Variants in INTS14 observed in about 807,000 individuals in gnomAD.
INTS14 encodes UPF0464 protein C15orf44.
In INTS14, 27 loss-of-function variants were observed where a neutral mutation model predicts 56.9. The observed-to-expected ratio is 0.47, with a 90% CI of 0.35 to 0.65. The LOEUF is 0.65. Ranked by LOEUF, INTS14 falls within the 30% of genes least tolerant of loss-of-function variation. The pLI is 0.00. For missense variants in INTS14, 517 were observed against 632.2 expected, an observed-to-expected ratio of 0.82 and a Z score of 1.95; for synonymous variants, 207 against 236.2, an observed-to-expected ratio of 0.88 and a Z score of 1.13.
chr15:65,599,019 G>A lies in INTS14; in HGVS notation c.487-29C>T, dbSNP rs779741162. On this transcript the variant is annotated intron_variant, in intron 4 of 11. Transcript: ENST00000313182. ...TAAAGCAAAACAGATGACCCTTAAAGTGGCTGGCACAAAATGCCAGATTAT... is the reference window on the plus strand; with the variant it reads ...TAAAGCAAAACAGATGACCCTTAAAATGGCTGGCACAAAATGCCAGATTAT... The A allele has an allele frequency of 1.9e-6, 3 of 1,553,904 alleles. No homozygotes were observed. The Admixed American group carries it at 5.3e-5, about 28-fold the overall frequency.
chr15:65,611,071 T>C, intron 1 of INTS14, 27 bp downstream of exon 1: 1 of 1,535,606 alleles, frequency 6.5e-7, no homozygotes, highest in Non-Finnish European at 8.7e-7. Flanking sequence ...CGAAAGGCAG[T>C]CCCGGGCCCT....
At chr15:65,586,058 C>G (rs752300825) in intron 9 of INTS14, among the ~76,000 whole-genome samples, 7 of 150,332 alleles carry the variant, frequency 4.7e-5, no homozygotes, top group Non-Finnish European at 8.9e-5. Context: ...GCCTAGAATG[C>G]TCTCCCTTCT....
intron 8 of INTS14, among the ~76,000 whole-genome samples, chr15:65,592,456 T>C (rs1185750059): frequency 6.6e-6 from 1 of 152,078 alleles, no homozygotes; most frequent in East Asian, 1.9e-4. Flanking sequence ...CTTCAGAAAA[T>C]GTAAAAGCTA....
chr15:65,603,654 C>T (rs2073528154), intron 3 of INTS14, among the ~76,000 whole-genome samples: 1 of 151,714 alleles, frequency 6.6e-6, no homozygotes, highest in Non-Finnish European at 1.5e-5. Context: ...ACTAGTGATG[C>T]TACTGACATT....
chr15:65,592,628 A>T (rs2073068866), intron 8 of INTS14, among the ~76,000 whole-genome samples: 1 of 152,198 alleles, frequency 6.6e-6, no homozygotes, highest in South Asian at 2.1e-4. Flanking sequence ...ATAGATAGGG[A>T]TAATGCTGAT....
rs777445601 is a variant in INTS14, at chr15:65,598,301, A to C, written c.748+20T>G. 1.2e-6 allele frequency: 2 copies of C among 1,602,582 alleles called. No individual in the cohort carries two copies. The highest frequency in any genetic ancestry group is 2.2e-5 in the South Asian group (2 of 90,234). On this transcript the variant is annotated intron_variant, in intron 6 of 11. Transcript: ENST00000313182. ...AAGGATAACAGAGAAACTAAGAAAT[A>C]AGTTTTTTTAAAAAGTTACCTGTGT...
At chr15:65,591,836 T>C (rs2073045038) in intron 8 of INTS14, 105 bp from the exon 9 acceptor site, 1 of 1,325,756 alleles carries the variant, frequency 7.5e-7, no homozygotes, top group Non-Finnish European at 1.0e-6. Context: ...GGCTTCAGCT[T>C]TGAAATCAGG....
intron 1 of INTS14, among the ~76,000 whole-genome samples, chr15:65,609,562 TAAC>T (rs758986644): frequency 6.6e-6 from 1 of 152,152 alleles, no homozygotes; most frequent in Admixed American, 6.5e-5. Context: ...AACAATTTGA[TAAC>T]AACTGATGAA....
At chr15:65,594,250 T>C (rs977610379) in intron 7 of INTS14, among the ~76,000 whole-genome samples, 2 of 152,154 alleles carry the variant, frequency 1.3e-5, no homozygotes, top group Non-Finnish European at 2.9e-5. Context: ...CTTCCTACAA[T>C]TAACTTCCCT....
intron 7 of INTS14, 73 bp downstream of exon 7, chr15:65,595,660 C>A (rs895650203): frequency 1.6e-6 from 2 of 1,237,258 alleles, no homozygotes; most frequent in African/African-American, 1.6e-5. Flanking sequence ...AATGGGCTAT[C>A]CTACTATCTA....
At chr15:65,602,413 T>A (rs1210255032) in intron 3 of INTS14, among the ~76,000 whole-genome samples, 3 of 151,050 alleles carry the variant, frequency 2.0e-5, no homozygotes, top group African/African-American at 7.3e-5. Context: ...GCCTCCCAGG[T>A]AGCTAGGATT....
chr15:65,610,744 T>C, intron 1 of INTS14: 1 of 1,535,666 alleles, frequency 6.5e-7, no homozygotes, highest in Non-Finnish European at 8.7e-7. Flanking sequence ...CAGATATAAT[T>C]TCATCTCTAA....
At chr15:65,605,928 A>AT (rs1164763416) in intron 2 of INTS14, among the ~76,000 whole-genome samples, 1 of 152,156 alleles carries the variant, frequency 6.6e-6, no homozygotes, top group Non-Finnish European at 1.5e-5. Context: ...TAAGTCACTA[A>AT]TTTTTTTAAA....
intron 7 of INTS14, among the ~76,000 whole-genome samples, chr15:65,593,940 A>G (rs2073121392): frequency 6.6e-6 from 1 of 152,196 alleles, no homozygotes; most frequent in Admixed American, 6.5e-5. Context: ...ATGGTTGCAC[A>G]ACTCTGCAAA....
intron 5 of INTS14, 146 bp from the exon 6 acceptor site, chr15:65,598,609 T>TA: frequency 1.1e-6 from 1 of 948,354 alleles, no homozygotes; most frequent in Non-Finnish European, 1.5e-6. Flanking sequence ...TCTGACATTT[T>TA]TGGTGAGGAA....
chr15:65,589,212 C>A (rs1040554936), intron 9 of INTS14, among the ~76,000 whole-genome samples: 1 of 152,222 alleles, frequency 6.6e-6, no homozygotes. Context: ...GGTTGGAGTG[C>A]AGCGATGCAA....
intron 7 of INTS14, 32 bp downstream of exon 7, chr15:65,595,701 G>A (rs772727774): frequency 1.7e-5 from 25 of 1,511,670 alleles, no homozygotes; most frequent in African/African-American, 2.8e-5. Flanking sequence ...TTAATAAGAC[G>A]CTTCAGACGT....
intron 1 of INTS14, among the ~76,000 whole-genome samples, chr15:65,609,917 C>G (rs2073820389): frequency 6.6e-6 from 1 of 152,136 alleles, no homozygotes; most frequent in Non-Finnish European, 1.5e-5. Context: ...ACCTCTGGAG[C>G]TGGCTCTTTC....
In INTS14 at chr15:65,610,646, C is replaced by T. The variant is rs1017498857; in HGVS notation, c.-63+452G>A. ...AAAGAACTGATTCTCAGCAGTCTCG[C>T]TCTCAAAGCAGGATTCTACCTGAAT... On this transcript the variant is annotated intron_variant, in intron 1 of 11. Transcript: ENST00000313182. The T allele has an allele frequency of 2.0e-5, 31 of 1,527,998 alleles. No individual in the cohort carries two copies. In the East Asian group the frequency reaches 7.3e-4, roughly 36 times the overall value. The allele number at this position is 1,527,998 out of a possible 1,614,324, so 94.7% of individuals were successfully genotyped here.
Sources: allele counts gnomAD v4.1 joint callset (sites outside exome capture counted in the v4.1 genomes callset), GRCh38; gene constraint gnomAD v4.1.1; transcripts MANE v1.5; gene names NCBI Gene and HGNC (gene_info 2026-07-23, HGNC 2026-07-21).